HELB: variants seen among roughly 807,000 people sequenced by gnomAD.
HELB encodes the protein DNA helicase B.
HELB carries 96 observed loss-of-function variants against 101.7 expected under a neutral mutation model. The ratio of observed to expected loss-of-function variants is 0.94; its 90% confidence interval spans 0.80 to 1.12. The LOEUF is 1.12. Ranked by LOEUF, HELB falls within the 50% of genes most tolerant of loss-of-function variation. The pLI, the probability that HELB is intolerant of heterozygous loss-of-function variation, is 0.00. For synonymous variants in HELB, 437 were observed against 459.7 expected (o/e 0.95, Z 0.63); for missense variants, 1,210 against 1,291.9 (o/e 0.94, Z 0.97).
downstream of HELB, chr12:66,340,914 C>T (rs1377665070): frequency 6.5e-6 from 1 of 152,882 alleles, no homozygotes; most frequent in Non-Finnish European, 1.5e-5. Context: ...ATGTTAATCT[C>T]CTTTGGCAAC....
chr12:66,338,667 A>G (rs183413580), downstream of HELB: 4 of 151,844 alleles, frequency 2.6e-5, no homozygotes, highest in African/African-American at 9.7e-5. Flanking sequence ...CAAACAAACA[A>G]ACAAAAAAAA....
At chr12:66,322,537 C>T in intron 8 of HELB, among the ~76,000 whole-genome samples, 187 bp from the exon 9 acceptor site, 1 of 146,618 alleles carries the variant, frequency 6.8e-6, no homozygotes, top group African/African-American at 2.5e-5. Context: ...TGCACTCCAG[C>T]CTGGGCAACA....
At chr12:66,304,647 G>C in intron 1 of HELB, 84 bp from the exon 2 acceptor site, 2 of 1,260,016 alleles carry the variant, frequency 1.6e-6, no homozygotes, top group Non-Finnish European at 2.2e-6. Flanking sequence ...AAAGATAGTG[G>C]TAAGTTTGAT....
chr12:66,304,085 A>G (rs1049616340), intron 1 of HELB, among the ~76,000 whole-genome samples: 5 of 152,252 alleles, frequency 3.3e-5, no homozygotes, highest in Non-Finnish European at 7.3e-5. Flanking sequence ...CTAAAGTATC[A>G]TCAACTGGCT....
chr12:66,330,897 G>A (rs2053797985), intron 11 of HELB, among the ~76,000 whole-genome samples: 1 of 152,070 alleles, frequency 6.6e-6, no homozygotes, highest in Admixed American at 6.6e-5. Context: ...ACTGCATGCA[G>A]TCTTTAAAAT....
chr12:66,318,861 A>G (rs1241959163), intron 7 of HELB, 69 bp downstream of exon 7: 18 of 1,196,194 alleles, frequency 1.5e-5, no homozygotes, highest in Non-Finnish European at 2.3e-6. Flanking sequence ...TAGTTATTAA[A>G]TGACTAGTTA....
intron 11 of HELB, among the ~76,000 whole-genome samples, chr12:66,326,040 A>G (rs992157048): frequency 1.3e-5 from 2 of 152,212 alleles, no homozygotes; most frequent in Non-Finnish European, 2.9e-5. Context: ...TAACTAAACT[A>G]TGCATATTCG....
chr12:66,307,635 A>C (rs1365588297), intron 3 of HELB, among the ~76,000 whole-genome samples: 1 of 152,092 alleles, frequency 6.6e-6, no homozygotes, highest in Non-Finnish European at 1.5e-5. Flanking sequence ...GGTGAAGCAC[A>C]GACCTTGCGT....
Position 66,304,956 on chromosome 12 carries a change from GTGA to G in HELB, c.419_421del (p.Asp140del). The stretch of plus-strand genomic sequence containing the variant: ...TTTCTTAAAGAGTGTGAGGTCTCCA[GTGA>G]TGATGTTAATAAATTTTTAACATGG... On this transcript the variant is annotated inframe_deletion, in exon 2 of 13. Coordinates refer to ENST00000247815, the MANE Select transcript of HELB (RefSeq NM_001370285.1). The G allele has an allele frequency of 6.2e-7, 1 of 1,614,058 alleles. No homozygotes were observed. Among genetic ancestry groups the G allele is most frequent in the South Asian group, 1.1e-5 (1 of 91,088 alleles).
chr12:66,317,997 C>T (rs913347438), intron 6 of HELB, among the ~76,000 whole-genome samples: 7 of 151,594 alleles, frequency 4.6e-5, no homozygotes, highest in East Asian at 3.9e-4. Context: ...TTGCTAGCCT[C>T]GGAAAATATA....
intron 12 of HELB, among the ~76,000 whole-genome samples, chr12:66,335,820 T>C (rs1393721863): frequency 1.3e-5 from 2 of 152,154 alleles, no homozygotes; most frequent in African/African-American, 4.8e-5. Flanking sequence ...TGGGTATATA[T>C]AGCAGAGGGA....
chr12:66,312,092 A>C (rs2053551554), intron 4 of HELB, among the ~76,000 whole-genome samples: 1 of 152,222 alleles, frequency 6.6e-6, no homozygotes, highest in Non-Finnish European at 1.5e-5. Context: ...CGAGCTTTAA[A>C]GTTAGTAAAG....
intron 6 of HELB, among the ~76,000 whole-genome samples, chr12:66,315,937 GA>G (rs1260878820): frequency 1.3e-5 from 2 of 152,112 alleles, no homozygotes; most frequent in Non-Finnish European, 2.9e-5. Flanking sequence ...CCACACATAT[GA>G]AAATCACAAT....
chr12:66,333,487 C>G (rs951241369), intron 12 of HELB, among the ~76,000 whole-genome samples: 11 of 152,108 alleles, frequency 7.2e-5, no homozygotes, highest in African/African-American at 2.7e-4. Flanking sequence ...GAGTTTGAGA[C>G]CAGCCTGGCC....
chr12:66,328,631 A>G (rs1233319378), intron 11 of HELB, among the ~76,000 whole-genome samples: 1 of 152,220 alleles, frequency 6.6e-6, no homozygotes, highest in Non-Finnish European at 1.5e-5. Context: ...TGTTTGGAAT[A>G]ACTTGGGTAT....
rs540284944 is a variant in HELB, at chr12:66,324,956, C to T, written c.2527-27C>T. 3.5e-5 allele frequency: 57 copies of T among 1,610,822 alleles called. No homozygotes were observed. In the South Asian group the frequency reaches 6.2e-4, roughly 17 times the overall value. On this transcript the variant is annotated intron_variant, in intron 10 of 12. Transcript: ENST00000247815. ...AACGTAGAACATATTTGAAGGTATGCAAAATAGTTCTTTGGTTTGGTGACA... is the reference window on the plus strand; with the variant it reads ...AACGTAGAACATATTTGAAGGTATGTAAAATAGTTCTTTGGTTTGGTGACA...
At chr12:66,312,437 G>A (rs923527469) in intron 4 of HELB, among the ~76,000 whole-genome samples, 2 of 152,206 alleles carry the variant, frequency 1.3e-5, no homozygotes, top group African/African-American at 4.8e-5. Context: ...TATCTTGCCT[G>A]TTACCTTTAT....
At chr12:66,319,734 T>C (rs1333291697) in intron 7 of HELB, among the ~76,000 whole-genome samples, 1 of 152,156 alleles carries the variant, frequency 6.6e-6, no homozygotes, top group Non-Finnish European at 1.5e-5. Context: ...TATGTGAAAG[T>C]AATGATATAC....
At chr12:66,321,662 C>T in intron 7 of HELB, 1 of 314,170 alleles carries the variant, frequency 3.2e-6, no homozygotes, top group South Asian at 3.2e-5. Flanking sequence ...TGTTCATAAA[C>T]CATCAGCAAA....
Sources: allele counts gnomAD v4.1 joint callset (sites outside exome capture counted in the v4.1 genomes callset), GRCh38; gene constraint gnomAD v4.1.1; transcripts MANE v1.5; gene names NCBI Gene and HGNC (gene_info 2026-07-23, HGNC 2026-07-21).